Variants in CDH18 observed in about 807,000 individuals in gnomAD.
CDH18 encodes cadherin 18.
In CDH18, 31 loss-of-function variants were observed where a neutral mutation model predicts 67.9. That is an observed-to-expected ratio of 0.46 (90% CI 0.34 to 0.62). The LOEUF (loss-of-function observed/expected upper bound fraction) is 0.62, where lower values mean the gene tolerates loss of function less well. Among genes scored for constraint, CDH18 ranks in the 20% least tolerant of loss-of-function variants. The pLI is 0.01. For synonymous variants in CDH18, 362 were observed against 347.2 expected (o/e 1.04, Z -0.48); for missense variants, 890 against 975.5 (o/e 0.91, Z 1.17).
chr5:20,103,812 G>A (rs934108546), intron 2 of CDH18, among the ~76,000 whole-genome samples: 19 of 147,710 alleles, frequency 1.3e-4, no homozygotes, highest in Non-Finnish European at 2.4e-4. Context: ...GAAACCAAAA[G>A]AAAAAAAAAA....
At chr5:20,341,518 CTCTT>C (rs759179819) in intron 1 of CDH18, among the ~76,000 whole-genome samples, 5 of 136,272 alleles carry the variant, frequency 3.7e-5, no homozygotes, top group Admixed American at 7.8e-5. Context: ...ATAAAGGAAA[CTCTT>C]TCTAATATAT....
intron 2 of CDH18, among the ~76,000 whole-genome samples, chr5:20,195,289 A>G (rs1275931543): frequency 6.6e-6 from 1 of 151,998 alleles, no homozygotes; most frequent in Non-Finnish European, 1.5e-5. Flanking sequence ...ACATAAATTT[A>G]TGTGCTATTT....
intron 1 of CDH18, among the ~76,000 whole-genome samples, chr5:20,444,465 AG>A (rs1242776938): frequency 1.3e-5 from 2 of 152,162 alleles, no homozygotes; most frequent in African/African-American, 2.4e-5. Flanking sequence ...GGAACCCAGG[AG>A]GTGGAGGTTG....
At chr5:20,008,199 T>C (rs1022864122) in intron 2 of CDH18, among the ~76,000 whole-genome samples, 3 of 152,086 alleles carry the variant, frequency 2.0e-5, no homozygotes, top group African/African-American at 4.8e-5. Context: ...GCTTTGGGAA[T>C]TATATAATAT....
At chr5:19,607,756 T>TA (rs1278827729) in intron 6 of CDH18, among the ~76,000 whole-genome samples, 3 of 150,532 alleles carry the variant, frequency 2.0e-5, no homozygotes, top group South Asian at 2.1e-4. Flanking sequence ...AAATTAAGAA[T>TA]AAAAAATTAA....
At chr5:19,791,813 G>T (rs558387542) in intron 3 of CDH18, among the ~76,000 whole-genome samples, 1 of 152,168 alleles carries the variant, frequency 6.6e-6, no homozygotes, top group Admixed American at 6.6e-5. Context: ...AGGAGGAAAA[G>T]AAATGGATTT....
intron 2 of CDH18, among the ~76,000 whole-genome samples, chr5:20,101,832 G>C (rs1746493428): frequency 6.6e-6 from 1 of 152,170 alleles, no homozygotes; most frequent in Non-Finnish European, 1.5e-5. Flanking sequence ...CCAGCATTTT[G>C]GGAGGCCGAG....
At chr5:20,464,278 G>A (rs911947244) in intron 1 of CDH18, among the ~76,000 whole-genome samples, 7 of 152,108 alleles carry the variant, frequency 4.6e-5, no homozygotes, top group Non-Finnish European at 8.8e-5. Context: ...CATCCCAGTG[G>A]TGCACATTAA....
At chr5:19,877,116 C>T (rs1479698314) in intron 2 of CDH18, among the ~76,000 whole-genome samples, 1 of 151,992 alleles carries the variant, frequency 6.6e-6, no homozygotes, top group Non-Finnish European at 1.5e-5. Context: ...TGTTAAGCCA[C>T]GGAGACTTGG....
chr5:20,353,924 T>C (rs1387372108), intron 1 of CDH18, among the ~76,000 whole-genome samples: 1 of 152,220 alleles, frequency 6.6e-6, no homozygotes, highest in Non-Finnish European at 1.5e-5. Context: ...ATTAGAACTT[T>C]CTTGTTCTTA....
chr5:19,819,065 G>T (rs969424554), intron 3 of CDH18, among the ~76,000 whole-genome samples: 1 of 151,674 alleles, frequency 6.6e-6, no homozygotes, highest in African/African-American at 2.4e-5. Context: ...AGTAATACAT[G>T]TATATATACA....
intron 1 of CDH18, among the ~76,000 whole-genome samples, chr5:20,358,613 T>G (rs1391571809): frequency 6.6e-6 from 1 of 152,170 alleles, no homozygotes; most frequent in Non-Finnish European, 1.5e-5. Context: ...CAGAAGACAC[T>G]CAGAAATATA....
intron 3 of CDH18, among the ~76,000 whole-genome samples, chr5:19,797,783 T>C (rs1209626353): frequency 1.3e-5 from 2 of 152,114 alleles, no homozygotes; most frequent in African/African-American, 4.8e-5. Flanking sequence ...TGCAATGATT[T>C]TTGAAATCCC....
chr5:19,511,656 T>A (rs1561234426), intron 10 of CDH18, among the ~76,000 whole-genome samples: 1 of 152,086 alleles, frequency 6.6e-6, no homozygotes, highest in East Asian at 1.9e-4. Context: ...AACTTTGAAC[T>A]TGAGAGAGAT....
At chr5:19,840,648 G>A (rs1265778117) in intron 2 of CDH18, among the ~76,000 whole-genome samples, 1 of 152,062 alleles carries the variant, frequency 6.6e-6, no homozygotes, top group East Asian at 1.9e-4. Context: ...GTTGCAGTGA[G>A]CAGAGATCAT....
chr5:19,547,283 G>C (rs749526706), intron 8 of CDH18, among the ~76,000 whole-genome samples: 1 of 152,154 alleles, frequency 6.6e-6, no homozygotes, highest in East Asian at 1.9e-4. Context: ...ATGTTAACCT[G>C]TCTTTAAGAA....
At chr5:19,819,275 T>C (rs906126659) in intron 3 of CDH18, among the ~76,000 whole-genome samples, 1 of 152,104 alleles carries the variant, frequency 6.6e-6, no homozygotes, top group Non-Finnish European at 1.5e-5. Flanking sequence ...GGGAAGCTAG[T>C]ACATATCAAA....
intron 11 of CDH18, among the ~76,000 whole-genome samples, chr5:19,484,128 T>C (rs935227444): frequency 2.8e-4 from 43 of 152,306 alleles, no homozygotes; most frequent in African/African-American, 9.6e-4. Context: ...ATGAATAAAA[T>C]AGCTAATCAT....
rs572268147 is a variant in CDH18 at position 19,770,319 on chromosome 5, A to C, written c.229-23083T>G. ...CTATAATTGTCAAACAGTTTGAAAA[A>C]AAAACATAATCAGCAGATTAACAGT... On this transcript the variant is annotated intron_variant, in intron 3 of 12. Transcript: ENST00000382275. 6.2e-4 allele frequency among the ~76,000 whole-genome samples: 95 copies of C among 152,230 alleles called. 1 individual carries two copies. The highest frequency in any genetic ancestry group is 2.2e-3 in the African/African-American group (93 of 41,568).
Sources: allele counts gnomAD v4.1 joint callset (sites outside exome capture counted in the v4.1 genomes callset), GRCh38; gene constraint gnomAD v4.1.1; transcripts MANE v1.5; gene names NCBI Gene and HGNC (gene_info 2026-07-23, HGNC 2026-07-21).